The following DMXL2 variants were observed in gnomAD, a reference collection of about 807,000 sequenced individuals.
The protein encoded by DMXL2 is Dmx like 2.
DMXL2 carries 103 observed loss-of-function variants against 331.1 expected under a neutral mutation model. The ratio of observed to expected loss-of-function variants is 0.31; its 90% CI spans 0.27 to 0.37. The LOEUF is 0.37. DMXL2 is among the 10% of genes least tolerant of loss of function. The pLI is 1.00. For missense variants in DMXL2, 3,171 were observed against 3,642.9 expected (o/e 0.87, Z 3.33); for synonymous variants, 1,281 against 1,252.1 (o/e 1.02, Z -0.49).
intron 13 of DMXL2, among the ~76,000 whole-genome samples, chr15:51,529,451 G>C (rs1252216463): frequency 6.6e-6 from 1 of 151,946 alleles, no homozygotes; most frequent in Non-Finnish European, 1.5e-5. Flanking sequence ...AAATTGAAAG[G>C]ATCAACAGTG....
chr15:51,569,357 C>A (rs2050504911), intron 2 of DMXL2, among the ~76,000 whole-genome samples: 1 of 152,152 alleles, frequency 6.6e-6, no homozygotes, highest in East Asian at 1.9e-4. Context: ...ACCACAGCTC[C>A]CCGAGACAGA....
chr15:51,535,858 C>A, intron 12 of DMXL2, 74 bp from the exon 13 acceptor site: 3 of 1,462,836 alleles, frequency 2.1e-6, no homozygotes, highest in African/African-American at 1.4e-5. Context: ...GGATAAGAAA[C>A]AAGTATTCAC....
chr15:51,551,397 AT>A lies in DMXL2; in HGVS notation c.568-3990del, dbSNP rs545571979. Among the ~76,000 whole-genome samples, 1,420 of 152,296 alleles carry A rather than the reference AT, an allele frequency of 9.3e-3. 13 individuals carry two copies. Among genetic ancestry groups the A allele is most frequent in the Non-Finnish European group, 1.0e-2 (680 of 68,014 alleles). ...TCTAGAAAATAAAATTTTTGTGGAAATTTTAACAGTTCATATGTCTCTTTCA... is the reference window on the plus strand; with the variant it reads ...TCTAGAAAATAAAATTTTTGTGGAAATTTAACAGTTCATATGTCTCTTTCA... On this transcript the variant is annotated intron_variant, in intron 6 of 43. Transcript: ENST00000560891.
chr15:51,482,714 A>T (rs1371671817), intron 23 of DMXL2, among the ~76,000 whole-genome samples: 1 of 152,256 alleles, frequency 6.6e-6, no homozygotes, highest in Non-Finnish European at 1.5e-5. Context: ...CTATCAAGAA[A>T]TAATGCCAGA....
intron 13 of DMXL2, among the ~76,000 whole-genome samples, chr15:51,519,580 T>C (rs2047225468): frequency 6.6e-6 from 1 of 151,866 alleles, no homozygotes; most frequent in African/African-American, 2.4e-5. Flanking sequence ...AACAAACACA[T>C]TAATAATATT....
rs1240784921 is a variant in DMXL2, at chr15:51,449,025, T to G, written c.9136A>C (p.Asn3046His). The G allele has an allele frequency of 5.6e-6, 9 of 1,614,178 alleles. No homozygotes were observed. The South Asian group carries it at 9.9e-5, about 18-fold the overall frequency. Residue 3046 changes from asparagine to histidine, a missense_variant, in exon 44 of 44, where the codon AAT becomes CAT. Physicochemically the swap from Asn to His is moderately conservative, Grantham distance 68 (BLOSUM62 1). This residue lies in a region of DMXL2 where 766 missense variants were observed against 940.5 expected (regional missense o/e 0.81). Transcript: ENST00000560891. ...ATTCTGTTAGGGATGTTAAAAGCAT[T>G]GGGCAAAACCCTGGTTTTCAGCGTG... The part of the protein sequence containing the change: ...DGTLKTRVLP[N>H]AFNIPNRILD...
chr15:51,507,274 A>G (rs1262390196), intron 15 of DMXL2, 21 bp from the exon 16 acceptor site: 12 of 1,594,058 alleles, frequency 7.5e-6, no homozygotes, highest in Non-Finnish European at 1.0e-5. Context: ...AAGGAAAAGG[A>G]TATTTAAATT....
chr15:51,503,063 T>G (rs373758807), intron 16 of DMXL2, 30 bp from the exon 17 acceptor site: 1 of 1,382,800 alleles, frequency 7.2e-7, no homozygotes, highest in Non-Finnish European at 1.0e-6. Flanking sequence ...AATTACAAAA[T>G]GTATGTATAT....
At position 51,458,810 on chromosome 15, in the gene DMXL2, T is replaced by A. The variant is rs1298154065; in HGVS notation, c.7990-15A>T. On this transcript the variant is annotated splice_polypyrimidine_tract_variant and intron_variant, in intron 34 of 43. Coordinates refer to ENST00000560891, the MANE Select transcript of DMXL2 (RefSeq NM_001378457.1). ...TCAGCTTCAACCTAGAAAACATTCA[T>A]CAGCAGTTTTAGTTGCTGCAGCACA... The A allele has an allele frequency of 2.5e-6, 4 of 1,611,706 alleles. No homozygotes were observed. In the African/African-American group the frequency reaches 5.3e-5, roughly 22 times the overall value.
At chr15:51,592,275 A>T (rs986965668) in intron 1 of DMXL2, among the ~76,000 whole-genome samples, 6 of 152,226 alleles carry the variant, frequency 3.9e-5, no homozygotes, top group Non-Finnish European at 7.3e-5. Context: ...CGAATGCACA[A>T]GCCTCAGTCG....
chr15:51,599,952 G>T (rs1009393263), intron 1 of DMXL2, among the ~76,000 whole-genome samples: 1 of 152,120 alleles, frequency 6.6e-6, no homozygotes, highest in Non-Finnish European at 1.5e-5. Context: ...GCCCGCCTCA[G>T]CCTCCCAAAG....
intron 1 of DMXL2, among the ~76,000 whole-genome samples, chr15:51,599,169 C>T (rs767698105): frequency 6.6e-6 from 1 of 152,198 alleles, no homozygotes; most frequent in Non-Finnish European, 1.5e-5. Context: ...GTCATTATGA[C>T]ATGCTATGAC....
At chr15:51,541,167 G>T (rs1456508309) in intron 9 of DMXL2, among the ~76,000 whole-genome samples, 1 of 151,964 alleles carries the variant, frequency 6.6e-6, no homozygotes, top group East Asian at 1.9e-4. Context: ...GATAAGAAAG[G>T]ATAATATAAG....
chr15:51,539,800 T>C (rs1018583948), intron 9 of DMXL2, among the ~76,000 whole-genome samples: 3 of 152,040 alleles, frequency 2.0e-5, no homozygotes, highest in Non-Finnish European at 4.4e-5. Context: ...GCCCAAAAAA[T>C]GGTATAAATC....
chr15:51,558,549 T>C (rs2049746793), intron 6 of DMXL2, among the ~76,000 whole-genome samples: 1 of 152,254 alleles, frequency 6.6e-6, no homozygotes, highest in Non-Finnish European at 1.5e-5. Context: ...TTTACACTCA[T>C]TTCTACTTTG....
chr15:51,533,840 T>TA (rs1259492013), intron 13 of DMXL2, among the ~76,000 whole-genome samples: 1 of 152,214 alleles, frequency 6.6e-6, no homozygotes, highest in African/African-American at 2.4e-5. Flanking sequence ...ACCTGCCTAT[T>TA]TATCATATTA....
intron 1 of DMXL2, among the ~76,000 whole-genome samples, chr15:51,605,034 C>T (rs1052618316): frequency 8.4e-6 from 1 of 119,398 alleles, no homozygotes; most frequent in Non-Finnish European, 1.9e-5. Flanking sequence ...ACTGGATGTT[C>T]ATATATCAAA....
At chr15:51,561,470 G>C (rs1185925825) in intron 6 of DMXL2, among the ~76,000 whole-genome samples, 1 of 152,166 alleles carries the variant, frequency 6.6e-6, no homozygotes, top group Non-Finnish European at 1.5e-5. Context: ...GGCCAGTTCT[G>C]AGGCACCCGT....
intron 13 of DMXL2, among the ~76,000 whole-genome samples, chr15:51,528,211 T>C (rs1349788107): frequency 6.6e-6 from 1 of 151,980 alleles, no homozygotes; most frequent in Non-Finnish European, 1.5e-5. Context: ...AATAACAAAA[T>C]GGCAGGAGTA....
Sources: gnomAD v4.1 joint callset for allele counts (sites outside exome capture counted in the v4.1 genomes callset) on GRCh38, gnomAD v4.1.1 for gene constraint, gnomAD v4.1.1 regional missense constraint, MANE v1.5 for transcripts, NCBI Gene and HGNC (gene_info 2026-07-23, HGNC 2026-07-21) for gene names.